The following CRACD variants were observed in gnomAD, a reference collection of about 807,000 sequenced individuals.
CRACD encodes capping protein-inhibiting regulator of actin dynamics.
In CRACD, 56 loss-of-function variants were observed where a neutral mutation model predicts 106.8. That is an observed-to-expected ratio of 0.52 (90% CI 0.42 to 0.66). The LOEUF (loss-of-function observed/expected upper bound fraction) is 0.66. Ranked by LOEUF, CRACD falls within the 30% of genes least tolerant of loss-of-function variation. CRACD has a pLI of 0.00. For synonymous variants in CRACD, 754 were observed against 670.8 expected (o/e 1.12, Z -1.92); for missense variants, 1,730 against 1,623.2 (o/e 1.07, Z -1.13).
At chr4:56,144,936 G>C (rs1735328279) in intron 1 of CRACD, among the ~76,000 whole-genome samples, 1 of 152,086 alleles carries the variant, frequency 6.6e-6, no homozygotes, top group African/African-American at 2.4e-5. Flanking sequence ...TGACAGGTGT[G>C]CACCACCATG....
At chr4:56,059,368 C>T (rs899871160) in intron 1 of CRACD, among the ~76,000 whole-genome samples, 1 of 152,170 alleles carries the variant, frequency 6.6e-6, no homozygotes, top group Non-Finnish European at 1.5e-5. Flanking sequence ...CCCAGCTACT[C>T]AGGAGGCTGA....
chr4:56,207,585 G>A (rs989499753), intron 2 of CRACD, among the ~76,000 whole-genome samples: 5 of 151,824 alleles, frequency 3.3e-5, no homozygotes, highest in Non-Finnish European at 7.4e-5. Context: ...ACAACTGGCT[G>A]CAAAATCCTC....
chr4:56,114,214 T>G (rs1014759472), intron 1 of CRACD, among the ~76,000 whole-genome samples: 12 of 151,300 alleles, frequency 7.9e-5, no homozygotes, highest in African/African-American at 2.9e-4. Context: ...CGCTTGTCAA[T>G]AGGTGCTATA....
At chr4:56,180,504 A>G (rs918213071) in intron 2 of CRACD, among the ~76,000 whole-genome samples, 1 of 130,872 alleles carries the variant, frequency 7.6e-6, no homozygotes, top group South Asian at 3.5e-4. Context: ...AAATAAATAA[A>G]TAAATAAATA....
intron 1 of CRACD, among the ~76,000 whole-genome samples, chr4:56,056,034 CATTTCT>C (rs1222509700): frequency 1.3e-5 from 2 of 152,064 alleles, no homozygotes; most frequent in Non-Finnish European, 2.9e-5. Context: ...TTTTCTTTGC[CATTTCT>C]GTTGAACTTT....
At chr4:56,252,023 AGTG>A (rs201456496) in intron 2 of CRACD, among the ~76,000 whole-genome samples, 1,630 of 152,346 alleles carry the variant, frequency 0.011, 29 homozygotes, top group African/African-American at 0.033. Flanking sequence ...ATCAAGAAGT[AGTG>A]CCAACATTAT....
At chr4:56,201,467 T>G (rs1737876124) in intron 2 of CRACD, among the ~76,000 whole-genome samples, 1 of 152,196 alleles carries the variant, frequency 6.6e-6, no homozygotes, top group African/African-American at 2.4e-5. Context: ...AGGGCAAACT[T>G]GGCACTGGGC....
chr4:56,259,042 G>A (rs1014209869), intron 2 of CRACD, among the ~76,000 whole-genome samples: 4 of 152,182 alleles, frequency 2.6e-5, no homozygotes, highest in Non-Finnish European at 5.9e-5. Flanking sequence ...ACAAGAGCGA[G>A]TCTGGTATAA....
chr4:56,296,335 T>C (rs1744032299), intron 3 of CRACD, among the ~76,000 whole-genome samples: 1 of 152,172 alleles, frequency 6.6e-6, no homozygotes, highest in African/African-American at 2.4e-5. Context: ...ACACAGTTTT[T>C]TTTTTAAATC....
Position 56,314,474 on chromosome 4 carries a change from G to A in CRACD, c.972G>A (p.Gln324=), listed in dbSNP as rs866967592. 2.7e-5 allele frequency: 42 copies of A among 1,532,120 alleles called. No homozygotes were observed. In the Admixed American group the frequency reaches 2.9e-4, roughly 11 times the overall value. 94.9% of individuals were successfully genotyped at this position (1,532,120 alleles called of 1,614,324 possible). The part of the protein sequence containing the change: ...LEAEEERRRL[Q]AQAQAEERRR... Reference sequence around the variant, plus strand: ...CGGAGGAGGAGCGAAGGCGTCTGCAGGCCCAGGCCCAAGCGGAGGAGAGGC... The same window carrying A: ...CGGAGGAGGAGCGAAGGCGTCTGCAAGCCCAGGCCCAAGCGGAGGAGAGGC... Residue 324 remains glutamine (Q), a synonymous_variant, in exon 8 of 11, where the codon CAG becomes CAA. Transcript: ENST00000682029. This position sits in a 1 kb window ranked among gnomAD's most constrained non-coding sequence, Gnocchi z 4.4.
intron 2 of CRACD, among the ~76,000 whole-genome samples, chr4:56,251,966 A>T (rs1373234744): frequency 3.9e-5 from 6 of 152,242 alleles, no homozygotes; most frequent in African/African-American, 1.4e-4. Flanking sequence ...GAACATATGT[A>T]TGCATAAAGT....
In CRACD at chr4:56,314,827, G is replaced by C; in HGVS notation, c.1325G>C (p.Arg442Thr). 6.2e-7 allele frequency: 1 copy of C among 1,610,746 alleles called. No homozygotes were observed. Among genetic ancestry groups the C allele is most frequent in the East Asian group, 2.2e-5 (1 of 44,738 alleles). Residue 442 changes from arginine (R) to threonine (T), a missense_variant, in exon 8 of 11, where the codon AGA becomes ACA. Physicochemically the swap from Arg to Thr is moderately conservative, Grantham distance 71. Around this residue, in one of 5 missense-constraint regions of CRACD, gnomAD observed 1,620 missense variants for 1,481.6 expected, o/e 1.09. Transcript: ENST00000682029. The surrounding 1 kb of genome is among the most constrained non-coding windows in gnomAD (Gnocchi z 4.4). ...DQERLKPEGQREHSEEPGICE... is the reference protein window; with the variant it reads ...DQERLKPEGQTEHSEEPGICE... ...GAACGCCTGAAACCCGAAGGACAAA[G>C]AGAACACTCCGAGGAGCCAGGTATT... is the stretch of plus-strand genomic sequence containing the variant.
chr4:56,122,200 CTTGTA>C (rs1734507589), intron 1 of CRACD, among the ~76,000 whole-genome samples: 1 of 151,412 alleles, frequency 6.6e-6, no homozygotes, highest in African/African-American at 2.4e-5. Flanking sequence ...AAAAAATGTC[CTTGTA>C]TTGTGCAAGA....
chr4:56,084,803 G>C (rs567407319), intron 1 of CRACD, among the ~76,000 whole-genome samples: 39 of 152,272 alleles, frequency 2.6e-4, no homozygotes, highest in African/African-American at 8.2e-4. Flanking sequence ...GGTTAGTGTG[G>C]GAAGTTCTGT....
At chr4:56,154,188 G>A (rs1735686328) in intron 1 of CRACD, among the ~76,000 whole-genome samples, 1 of 152,090 alleles carries the variant, frequency 6.6e-6, no homozygotes, top group Admixed American at 6.6e-5. Context: ...ATTGTTGGCC[G>A]GGCATGGTGG....
At chr4:56,151,844 A>G (rs1051877308) in intron 1 of CRACD, among the ~76,000 whole-genome samples, 1 of 152,038 alleles carries the variant, frequency 6.6e-6, no homozygotes, top group Admixed American at 6.5e-5. Context: ...TCATGATTAG[A>G]TGCAAGTTAG....
intron 1 of CRACD, among the ~76,000 whole-genome samples, chr4:56,113,987 G>T (rs1441502178): frequency 6.6e-6 from 1 of 151,886 alleles, no homozygotes; most frequent in African/African-American, 2.4e-5. Context: ...AAGGATAATT[G>T]ACTTAAAAAT....
intron 1 of CRACD, among the ~76,000 whole-genome samples, chr4:56,065,908 T>C (rs74664870): frequency 0.014 from 2,111 of 152,304 alleles, 55 homozygotes; most frequent in African/African-American, 0.047. Flanking sequence ...TGCCTATTCC[T>C]GATTCCCTCA....
chr4:56,133,317 A>G (rs996556386), intron 1 of CRACD, among the ~76,000 whole-genome samples: 1 of 152,130 alleles, frequency 6.6e-6, no homozygotes, highest in Non-Finnish European at 1.5e-5. Flanking sequence ...TAAGGCAATA[A>G]TTTTTATCTT....
Sources: gnomAD v4.1 joint callset for allele counts (sites outside exome capture counted in the v4.1 genomes callset) on GRCh38, gnomAD v4.1.1 for gene constraint, gnomAD v4.1.1 regional missense constraint, Gnocchi (gnomAD v3.1) non-coding constraint, MANE v1.5 for transcripts, NCBI Gene and HGNC (gene_info 2026-07-23, HGNC 2026-07-21) for gene names.